LMAN2L: variants seen among roughly 807,000 people sequenced by gnomAD.
LMAN2L encodes the protein VIP36-like protein.
A neutral mutation model predicts 44.3 loss-of-function variants in LMAN2L; 30 were observed. That is an observed-to-expected ratio of 0.68 (90% CI 0.51 to 0.92). The LOEUF is 0.92. Ranked by LOEUF, LMAN2L falls within the 40% of genes least tolerant of loss-of-function variation. The pLI is 0.00. For missense variants in LMAN2L, 429 were observed against 446.1 expected, an observed-to-expected ratio of 0.96 and a Z score of 0.35; for synonymous variants, 183 against 171.1, an observed-to-expected ratio of 1.07 and a Z score of -0.54.
chr2:96,730,181 G>A (rs1024372017), intron 4 of LMAN2L, among the ~76,000 whole-genome samples: 5 of 152,060 alleles, frequency 3.3e-5, no homozygotes, highest in Admixed American at 1.3e-4. Context: ...AGCTAACAGA[G>A]TTTGAACAAT....
intron 2 of LMAN2L, chr2:96,737,046 G>A (rs2078530897): frequency 4.9e-6 from 2 of 405,728 alleles, no homozygotes; most frequent in South Asian, 1.8e-5. Flanking sequence ...TCCAGAGAAA[G>A]TATCAAAGGA....
chr2:96,737,959 C>T lies in LMAN2L; in HGVS notation c.296G>A (p.Trp99Ter), dbSNP rs754792012. The change falls in exon 2 of 8, where the codon TGG (tryptophan) becomes TAG (stop). Residue 99 changes from tryptophan (W) to a stop codon, truncating the protein, a stop_gained. Transcript: ENST00000264963. LOFTEE classifies it high-confidence loss of function. ...PDMQSKQGAL[W>*]NRVPCFLRDW... ...GAGAAAGATTCTTACCACCCGGTTCCACAAGGCACCCTGTTTACTTTGCAT... is the reference window on the plus strand; with the variant it reads ...GAGAAAGATTCTTACCACCCGGTTCTACAAGGCACCCTGTTTACTTTGCAT... 1 of 1,611,230 alleles carries T rather than the reference C, an allele frequency of 6.2e-7. No homozygotes were observed. The highest frequency in any genetic ancestry group is 2.2e-5 in the East Asian group (1 of 44,870).
intron 4 of LMAN2L, among the ~76,000 whole-genome samples, chr2:96,714,487 G>A (rs2077993938): frequency 6.6e-6 from 1 of 152,240 alleles, no homozygotes; most frequent in African/African-American, 2.4e-5. Context: ...AAACTGGCAT[G>A]AAGTTAATCT....
At chr2:96,733,042 C>A (rs555669156) in intron 4 of LMAN2L, among the ~76,000 whole-genome samples, 13 of 152,242 alleles carry the variant, frequency 8.5e-5, no homozygotes, top group African/African-American at 3.1e-4. Context: ...AGCCACCACA[C>A]CTGGCCAATT....
rs117536240 is a variant in LMAN2L, at chr2:96,733,474, T to C, written c.507+45A>G. 331 of 1,401,756 alleles carry C rather than the reference T, an allele frequency of 2.4e-4. 3 individuals are homozygous for C. In the East Asian group the frequency reaches 6.7e-3, roughly 29 times the overall value. 86.8% of individuals were successfully genotyped at this position (1,401,756 alleles called of 1,614,324 possible). On this transcript the variant is annotated intron_variant, in intron 4 of 7. Coordinates refer to ENST00000264963, the MANE Select transcript of LMAN2L (RefSeq NM_030805.4). ...GTACAACATTCCTGAGGCAAAGAAC[T>C]GTGATGTCAGTGTAGCTGACCTAGG...
intron 4 of LMAN2L, among the ~76,000 whole-genome samples, chr2:96,717,726 C>G (rs529388592): frequency 3.9e-4 from 59 of 151,446 alleles, no homozygotes; most frequent in Non-Finnish European, 7.4e-4. Flanking sequence ...GTAATCCCAG[C>G]TACTCAGGAG....
rs192504577 is a variant in LMAN2L at position 96,739,179 on chromosome 2, C to T, written c.187+675G>A. Among the ~76,000 whole-genome samples, 4 of 152,324 alleles carry T rather than the reference C, an allele frequency of 2.6e-5. No individual in the cohort carries two copies. In the East Asian group the frequency reaches 7.7e-4, roughly 29 times the overall value. On this transcript the variant is annotated intron_variant, in intron 1 of 7. Coordinates refer to ENST00000264963, the MANE Select transcript of LMAN2L (RefSeq NM_030805.4). ...AGAGACAGCACAGAGGCACTCCAGG[C>T]ATGTAAGTGAATAAATGATTACCCT...
chr2:96,723,304 C>A (rs1331297534), intron 4 of LMAN2L, among the ~76,000 whole-genome samples: 2 of 152,140 alleles, frequency 1.3e-5, no homozygotes, highest in African/African-American at 4.8e-5. Flanking sequence ...TGATGCTCAG[C>A]CTCTTTTCAA....
At chr2:96,726,002 C>A (rs926536254) in intron 4 of LMAN2L, among the ~76,000 whole-genome samples, 19 of 151,692 alleles carry the variant, frequency 1.3e-4, no homozygotes, top group African/African-American at 3.4e-4. Flanking sequence ...CGTGGTAGCA[C>A]GTGCCTGTAA....
In LMAN2L at chr2:96,734,431, G is replaced by C. The variant is rs763545572; in HGVS notation, c.402C>G (p.Tyr134Ter). Residue 134 changes from tyrosine to a stop codon, truncating the protein, a stop_gained, in exon 3 of 8, where the codon TAC (tyrosine) becomes TAG (stop). Transcript: ENST00000264963. LOFTEE classifies it high-confidence loss of function. The part of the protein sequence containing the change: ...NLHGDGLAIW[Y>*]TKDRMQPGPV... ...TACCTGGCTGCATCCGATCCTTTGT[G>C]TACCAGATTGCCAAGCCATCCCCAT... is the stretch of plus-strand genomic sequence containing the variant. 6.8e-6 allele frequency: 11 copies of C among 1,610,662 alleles called. No individual in the cohort carries two copies. Among genetic ancestry groups the C allele is most frequent in the Non-Finnish European group, 9.3e-6 (11 of 1,176,906 alleles).
intron 4 of LMAN2L, among the ~76,000 whole-genome samples, chr2:96,713,316 C>A (rs1434967562): frequency 6.6e-6 from 1 of 152,120 alleles, no homozygotes; most frequent in African/African-American, 2.4e-5. Flanking sequence ...AGTCTTTGCA[C>A]CCTCAAGATG....
In LMAN2L at chr2:96,735,837, CAAA is replaced by C. The variant is rs569948329; in HGVS notation, c.307-1314_307-1312del. On this transcript the variant is annotated intron_variant, in intron 2 of 7. Coordinates refer to ENST00000264963, the MANE Select transcript of LMAN2L (RefSeq NM_030805.4). The stretch of plus-strand genomic sequence containing the variant: ...TGGGCGACAGAGCGAGACTCCATCT[CAAA>C]AAAAAAAAAAAAGATTTCAGAGAAA... 3.4e-3 allele frequency among the ~76,000 whole-genome samples: 366 copies of C among 106,308 alleles called. 3 individuals carry two copies. Among genetic ancestry groups the C allele is most frequent in the African/African-American group, 0.012 (336 of 28,134 alleles). The allele number at this position is 106,308 out of a possible 152,430, so 69.7% of individuals were successfully genotyped here.
rs755641126 is a variant in LMAN2L, at chr2:96,711,773, A to C, written c.670-3T>G. On this transcript the variant is annotated splice_region_variant and splice_polypyrimidine_tract_variant and intron_variant, in intron 5 of 7. Transcript: ENST00000264963. Reference sequence around the variant, plus strand: ...TTGCCATCAATATCCATCATTATCTAGAATAAAAAGAGAGATAAATCAGGG... The same window carrying C: ...TTGCCATCAATATCCATCATTATCTCGAATAAAAAGAGAGATAAATCAGGG... 2 of 1,613,366 alleles carry C rather than the reference A, an allele frequency of 1.2e-6. No individual in the cohort carries two copies. Among genetic ancestry groups the C allele is most frequent in the African/African-American group, 2.7e-5 (2 of 75,050 alleles).
rs1458143448 is a variant in LMAN2L at position 96,739,919 on chromosome 2, T to C, written c.122A>G (p.Gln41Arg). 6.2e-7 allele frequency: 1 copy of C among 1,614,120 alleles called. No individual in the cohort carries two copies. The highest frequency in any genetic ancestry group is 1.1e-5 in the South Asian group (1 of 91,084). Residue 41 changes from glutamine (Q) to arginine (R), a missense_variant, in exon 1 of 8, where the codon CAA becomes CGA. Physicochemically the swap from Gln to Arg is conservative, Grantham distance 43 (BLOSUM62 1). Transcript: ENST00000264963. ...LLLGSGQGPQ[Q>R]VGAGQTFEYL... ...CTCGAACGTTTGACCCGCCCCGACT[T>C]GCTGTGGCCCCTGCCCAGACCCCAA...
chr2:96,707,239 G>T lies in LMAN2L; in HGVS notation c.*17C>A. 6.2e-7 allele frequency: 1 copy of T among 1,612,144 alleles called. No homozygotes were observed. Among genetic ancestry groups the T allele is most frequent in the Non-Finnish European group, 8.5e-7 (1 of 1,178,814 alleles). ...CCTCATGGGTGACAGTCACAAAAGT[G>T]GTGGCAGCAGGAGGGCTCAGTAGAA... On this transcript the variant is annotated 3_prime_UTR_variant, in exon 8 of 8. Transcript: ENST00000264963.
Position 96,724,624 on chromosome 2 carries a change from G to A in LMAN2L, c.507+8895C>T, listed in dbSNP as rs80345116. 8.5e-3 allele frequency among the ~76,000 whole-genome samples: 1,295 copies of A among 151,748 alleles called. 12 individuals carry two copies. Among genetic ancestry groups the A allele is most frequent in the African/African-American group, 0.03 (1,246 of 41,418 alleles). On this transcript the variant is annotated intron_variant, in intron 4 of 7. Transcript: ENST00000264963. ...GAGCAAACCTCCACCTCAGCCTCCCGGGTAGCATGCATCACCCACCACACC... is the reference window on the plus strand; with the variant it reads ...GAGCAAACCTCCACCTCAGCCTCCCAGGTAGCATGCATCACCCACCACACC...
At chr2:96,710,671 A>AT (rs2077896213) in intron 6 of LMAN2L, among the ~76,000 whole-genome samples, 3 of 86,412 alleles carry the variant, frequency 3.5e-5, no homozygotes, top group African/African-American at 9.1e-5. Context: ...TATATATATA[A>AT]AAAAAAATCC....
intron 4 of LMAN2L, among the ~76,000 whole-genome samples, chr2:96,715,766 T>C (rs1004997605): frequency 2.0e-5 from 3 of 152,224 alleles, no homozygotes; most frequent in Non-Finnish European, 4.4e-5. Context: ...CATTAGCTTG[T>C]GGATTTATGG....
intron 4 of LMAN2L, among the ~76,000 whole-genome samples, chr2:96,731,588 T>C (rs527786406): frequency 6.6e-6 from 1 of 151,860 alleles, no homozygotes; most frequent in East Asian, 1.9e-4. Context: ...GTATGTAGGT[T>C]GCAGTGAGCC....
Sources: allele counts gnomAD v4.1 joint callset (sites outside exome capture counted in the v4.1 genomes callset), GRCh38; gene constraint gnomAD v4.1.1; transcripts MANE v1.5; gene names NCBI Gene and HGNC (gene_info 2026-07-23, HGNC 2026-07-21).